RIC1: variants seen among roughly 807,000 people sequenced by gnomAD.
RIC1 encodes RIC1 partner of RAB6A GEF complex, also known as guanine nucleotide exchange factor subunit RIC1.
Under a neutral mutation model 169.0 loss-of-function variants are expected in RIC1, and 88 were observed. The observed-to-expected ratio is 0.52, with a 90% CI of 0.44 to 0.62. The LOEUF (loss-of-function observed/expected upper bound fraction) is 0.62. Among genes scored for constraint, RIC1 ranks in the 20% least tolerant of loss-of-function variants. The probability of loss-of-function intolerance (pLI) is 0.00; values close to 1 mark genes in which losing one functional copy is unlikely to be tolerated. For synonymous variants in RIC1, 790 were observed against 601.5 expected (o/e 1.31, Z -4.59); for missense variants, 1,877 against 1,725.5 (o/e 1.09, Z -1.56).
chr9:5,657,988 A>G (rs2760418), intron 2 of RIC1, among the ~76,000 whole-genome samples: 150,876 of 152,250 alleles, frequency 0.99, 74,760 homozygotes, highest in East Asian at 1. Context: ...AGCAGATTGA[A>G]TTGAAGTTCT....
chr9:5,644,547 T>C (rs1818409371), intron 1 of RIC1, among the ~76,000 whole-genome samples: 1 of 152,238 alleles, frequency 6.6e-6, no homozygotes. Flanking sequence ...CTCATCCTTC[T>C]GAGTCTGGTA....
At chr9:5,726,691 C>T (rs1824012803) in intron 6 of RIC1, among the ~76,000 whole-genome samples, 1 of 152,194 alleles carries the variant, frequency 6.6e-6, no homozygotes, top group Non-Finnish European at 1.5e-5. Context: ...GTGGCTGGTA[C>T]CAGTTGTTCC....
intron 2 of RIC1, among the ~76,000 whole-genome samples, chr9:5,684,481 CT>C (rs1433534384): frequency 6.6e-6 from 1 of 152,032 alleles, no homozygotes; most frequent in Non-Finnish European, 1.5e-5. Flanking sequence ...TATTTCATCT[CT>C]TTTGCCAGAT....
At chr9:5,777,004 C>G (rs558426930), downstream of RIC1, among the ~76,000 whole-genome samples, 2 of 152,190 alleles carry the variant, frequency 1.3e-5, no homozygotes, top group South Asian at 4.1e-4. Flanking sequence ...GTGAACTTTT[C>G]TATCTCACTT....
At position 5,738,313 on chromosome 9, in the gene RIC1, G is replaced by A. The variant is rs188913207; in HGVS notation, c.813-137G>A. 7.0e-4 allele frequency: 433 copies of A among 619,106 alleles called. No individual in the cohort carries two copies. In the African/African-American group the frequency reaches 7.3e-3, roughly 10 times the overall value. 38.4% of individuals were successfully genotyped at this position (619,106 alleles called of 1,614,324 possible). On this transcript the variant is annotated intron_variant, in intron 7 of 25. Coordinates refer to ENST00000414202, the MANE Select transcript of RIC1 (RefSeq NM_020829.4). The stretch of plus-strand genomic sequence containing the variant: ...AGAATATGCCTTTGTTCAAATTTAT[G>A]AGATGACTGCAACTTATTGACAAAG...
At chr9:5,660,933 G>T (rs925511716) in intron 2 of RIC1, among the ~76,000 whole-genome samples, 7 of 152,112 alleles carry the variant, frequency 4.6e-5, no homozygotes, top group African/African-American at 1.7e-4. Context: ...GCCTGTGCCT[G>T]TGTCCCAAAT....
At chr9:5,755,317 C>G (rs1825941616) in intron 15 of RIC1, among the ~76,000 whole-genome samples, 1 of 152,266 alleles carries the variant, frequency 6.6e-6, no homozygotes, top group Admixed American at 6.5e-5. Context: ...CAGTGGATGC[C>G]TGAAACTGTT....
chr9:5,739,686 A>G (rs1021564822), intron 8 of RIC1, among the ~76,000 whole-genome samples: 38 of 152,144 alleles, frequency 2.5e-4, no homozygotes, highest in Admixed American at 2.1e-3. Flanking sequence ...TAATCCTCAG[A>G]CAAAGGTGGA....
At position 5,763,296 on chromosome 9, in the gene RIC1, C is replaced by T. The variant is rs2131097427; in HGVS notation, c.2269C>T (p.His757Tyr). The part of the protein sequence containing the change: ...KVWLPLFPRD[H>Y]RKPHSFLSQR... The stretch of plus-strand genomic sequence containing the variant: ...TTGGCTCCCTCTCTTCCCTAGGGAT[C>T]ACCGCAAGCCCCATTCCTTCTTGTC... Residue 757 changes from histidine to tyrosine, a missense_variant, in exon 19 of 26, where the codon CAC becomes TAC. By Grantham distance (83) the His-to-Tyr change is moderately conservative (BLOSUM62 2). This residue lies in a region of RIC1 where 1,104 missense variants were observed against 992.0 expected (regional missense o/e 1.11). Transcript: ENST00000414202. This position sits in a 1 kb window ranked among gnomAD's most constrained non-coding sequence, Gnocchi z 5.2. 1 of 1,614,178 alleles carries T rather than the reference C, an allele frequency of 6.2e-7. No individual in the cohort carries two copies. Among genetic ancestry groups the T allele is most frequent in the South Asian group, 1.1e-5 (1 of 91,086 alleles).
rs1817606375 is a variant in RIC1 at position 5,629,435 on chromosome 9, C to T, written c.126C>T (p.Leu42=). 1 of 1,533,726 alleles carries T rather than the reference C, an allele frequency of 6.5e-7. No individual in the cohort carries two copies. Residue 42 remains leucine (L), a synonymous_variant, in exon 1 of 26, where the codon CTC becomes CTT. Transcript: ENST00000414202. ...AFFAVLAAAR[L]SIWYSRPSVL... ...TCGCCGTGCTGGCCGCGGCCCGCCTCAGCATCTGGTACAGCCGAGTAAGTA... is the reference window on the plus strand; with the variant it reads ...TCGCCGTGCTGGCCGCGGCCCGCCTTAGCATCTGGTACAGCCGAGTAAGTA...
intron 7 of RIC1, among the ~76,000 whole-genome samples, chr9:5,736,221 C>G (rs973785058): frequency 1.1e-4 from 17 of 152,198 alleles, no homozygotes; most frequent in African/African-American, 3.9e-4. Flanking sequence ...AGTGCTGTCT[C>G]TCAGCAAGAG....
chr9:5,755,458 T>A (rs1397021818), intron 15 of RIC1, among the ~76,000 whole-genome samples: 3 of 152,250 alleles, frequency 2.0e-5, no homozygotes, highest in Non-Finnish European at 4.4e-5. Context: ...ATAAAAGTTG[T>A]ATGAATGTGG....
chr9:5,672,198 C>T (rs1263409031), intron 2 of RIC1, among the ~76,000 whole-genome samples: 1 of 152,098 alleles, frequency 6.6e-6, no homozygotes, highest in Non-Finnish European at 1.5e-5. Context: ...TGCCAGATAC[C>T]CACATCAAAG....
chr9:5,744,305 A>G (rs1277849231), intron 10 of RIC1, among the ~76,000 whole-genome samples: 1 of 152,098 alleles, frequency 6.6e-6, no homozygotes, highest in Non-Finnish European at 1.5e-5. Context: ...CCTGGAGGAC[A>G]TGCACTTGTG....
intron 6 of RIC1, among the ~76,000 whole-genome samples, chr9:5,722,348 A>AGAGAGAGAGAGAGT (rs374028302): frequency 6.9e-5 from 9 of 131,336 alleles, no homozygotes; most frequent in South Asian, 2.7e-4. Context: ...AGAGAGAGAG[A>AGAGAGAGAGAGAGT]GTGTGTGTGT....
At chr9:5,690,962 C>G (rs1205546337) in intron 3 of RIC1, among the ~76,000 whole-genome samples, 2 of 151,584 alleles carry the variant, frequency 1.3e-5, no homozygotes, top group Non-Finnish European at 3.0e-5. Context: ...AAAATAAACC[C>G]AAATAAAATA....
At chr9:5,722,256 ATTTT>A (rs771921878) in intron 6 of RIC1, among the ~76,000 whole-genome samples, 2 of 98,562 alleles carry the variant, frequency 2.0e-5, no homozygotes, top group Non-Finnish European at 4.4e-5. Context: ...GGAGGAAGAG[ATTTT>A]TTTTTTTTTT....
rs1164363135 is a variant in RIC1, at chr9:5,756,223, C to T, written c.1704C>T (p.Tyr568=). ...TTTGTTTTCTTCAGCTTAGAGTATA[C>T]TTGCGAACATCAAATCTGGACAATG... is the stretch of plus-strand genomic sequence containing the variant. ...INDRQEELRV[Y]LRTSNLDNAF... The change falls in exon 16 of 26, where the codon TAC becomes TAT. Residue 568 remains tyrosine, a synonymous_variant. Transcript: ENST00000414202. 3.2e-6 allele frequency: 5 copies of T among 1,567,896 alleles called. No homozygotes were observed. The highest frequency in any genetic ancestry group is 2.7e-5 in the African/African-American group (2 of 73,538).
chr9:5,724,777 A>G (rs1014654126), intron 6 of RIC1, among the ~76,000 whole-genome samples: 11 of 152,140 alleles, frequency 7.2e-5, no homozygotes, highest in African/African-American at 2.7e-4. Flanking sequence ...GGACTGTTGA[A>G]TTTTGTCAAA....
Sources: gnomAD v4.1 joint callset for allele counts (sites outside exome capture counted in the v4.1 genomes callset) on GRCh38, gnomAD v4.1.1 for gene constraint, gnomAD v4.1.1 regional missense constraint, Gnocchi (gnomAD v3.1) non-coding constraint, MANE v1.5 for transcripts, NCBI Gene and HGNC (gene_info 2026-07-23, HGNC 2026-07-21) for gene names.